The following CAMSAP2 variants were observed in gnomAD, a reference collection of about 807,000 sequenced individuals.
CAMSAP2 encodes calmodulin-regulated spectrin-associated protein 2.
Under a neutral mutation model 146.1 loss-of-function variants are expected in CAMSAP2, and 26 were observed. That is an observed-to-expected ratio of 0.18 (90% CI 0.13 to 0.25). The LOEUF (loss-of-function observed/expected upper bound fraction) is 0.25, where lower values mean the gene tolerates loss of function less well. CAMSAP2 is among the 10% of genes least tolerant of loss of function. The pLI is 1.00. For missense variants in CAMSAP2, 1,381 were observed against 1,759.3 expected (o/e 0.78, Z 3.85); for synonymous variants, 499 against 596.6 (o/e 0.84, Z 2.38).
intron 2 of CAMSAP2, among the ~76,000 whole-genome samples, chr1:200,801,082 T>G (rs1238244427): frequency 6.6e-6 from 1 of 152,008 alleles, no homozygotes; most frequent in Non-Finnish European, 1.5e-5. Context: ...TGGCCAACAT[T>G]GTGAAACCCC....
At chr1:200,824,057 T>G (rs932628358) in intron 4 of CAMSAP2, among the ~76,000 whole-genome samples, 7 of 152,164 alleles carry the variant, frequency 4.6e-5, no homozygotes, top group African/African-American at 1.7e-4. Context: ...AATCCTTTTG[T>G]TTTTTGAGCA....
chr1:200,747,986 C>CA (rs901478330), intron 1 of CAMSAP2, among the ~76,000 whole-genome samples: 19,078 of 68,062 alleles, frequency 0.28, 2,310 homozygotes, highest in East Asian at 0.46. Context: ...GACTCCGTCT[C>CA]AAAAAAAAAA....
chr1:200,746,916 G>A (rs1664348683), intron 1 of CAMSAP2, among the ~76,000 whole-genome samples: 1 of 151,712 alleles, frequency 6.6e-6, no homozygotes, highest in East Asian at 2.0e-4. Flanking sequence ...ACTGCGCCCG[G>A]CCTAGTCACA....
At chr1:200,807,561 A>T (rs759584107) in intron 3 of CAMSAP2, 24 bp downstream of exon 3, 22 of 1,475,988 alleles carry the variant, frequency 1.5e-5, no homozygotes, top group Non-Finnish European at 1.9e-5. Context: ...CACTTGAGTA[A>T]ATCGCATCTC....
intron 1 of CAMSAP2, among the ~76,000 whole-genome samples, chr1:200,742,745 T>A (rs543184617): frequency 1.1e-4 from 16 of 152,282 alleles, no homozygotes; most frequent in African/African-American, 3.6e-4. Context: ...CTTTCTAACT[T>A]TTGATGTACT....
chr1:200,806,736 C>G (rs1356086646), intron 2 of CAMSAP2, among the ~76,000 whole-genome samples: 1 of 144,458 alleles, frequency 6.9e-6, no homozygotes, highest in East Asian at 2.1e-4. Flanking sequence ...TTAGAACTTC[C>G]ATATAATTGT....
At chr1:200,801,124 C>T (rs1366481151) in intron 2 of CAMSAP2, among the ~76,000 whole-genome samples, 3 of 151,960 alleles carry the variant, frequency 2.0e-5, no homozygotes, top group Admixed American at 2.0e-4. Flanking sequence ...ATTAGCTGGG[C>T]ATGGTGGTGT....
At chr1:200,755,242 A>G (rs1384049977) in intron 1 of CAMSAP2, among the ~76,000 whole-genome samples, 1 of 152,252 alleles carries the variant, frequency 6.6e-6, no homozygotes, top group South Asian at 2.1e-4. Context: ...TAGCAGACAG[A>G]TAGTAAACAC....
chr1:200,788,545 G>T (rs541469485), intron 2 of CAMSAP2, among the ~76,000 whole-genome samples: 1 of 152,220 alleles, frequency 6.6e-6, no homozygotes, highest in African/African-American at 2.4e-5. Flanking sequence ...TTCCAGTCCA[G>T]TATTTGGTGT....
chr1:200,832,458 A>G lies in CAMSAP2; in HGVS notation c.787+117A>G, dbSNP rs1667068521. 7 of 1,001,620 alleles carry G rather than the reference A, an allele frequency of 7.0e-6. 1 individual carries two copies. Among genetic ancestry groups the G allele is most frequent in the South Asian group, 4.7e-5 (2 of 42,652 alleles). 62.0% of individuals were successfully genotyped at this position (1,001,620 alleles called of 1,614,324 possible). ...AGTGGGACCCTGTCTCAAAAAAAAG[A>G]CAATATTATTTAATAAGTACTGAAG... On this transcript the variant is annotated intron_variant, in intron 5 of 16. Transcript: ENST00000358823. This position sits in a 1 kb window ranked among gnomAD's most constrained non-coding sequence, Gnocchi z 4.2.
chr1:200,803,948 A>G (rs1666103292), intron 2 of CAMSAP2, among the ~76,000 whole-genome samples: 1 of 149,912 alleles, frequency 6.7e-6, no homozygotes, highest in Non-Finnish European at 1.5e-5. Context: ...TTTCTTTGAG[A>G]CAGAGTCTTG....
intron 2 of CAMSAP2, among the ~76,000 whole-genome samples, chr1:200,800,409 C>G (rs1015795825): frequency 2.0e-5 from 3 of 152,064 alleles, no homozygotes; most frequent in African/African-American, 7.2e-5. Context: ...ATCCCTTTAC[C>G]ATTATGGAAT....
At chr1:200,817,248 A>ACACACACACGTGTGTGTG (rs1666620439) in intron 4 of CAMSAP2, among the ~76,000 whole-genome samples, 2 of 10,016 alleles carry the variant, frequency 2.0e-4, no homozygotes, top group African/African-American at 1.0e-3. Flanking sequence ...ACATACACAC[A>ACACACACACGTGTGTGTG]TATGTGTGTG....
intron 2 of CAMSAP2, among the ~76,000 whole-genome samples, chr1:200,782,183 T>C (rs977388142): frequency 2.0e-5 from 3 of 152,212 alleles, no homozygotes; most frequent in Non-Finnish European, 4.4e-5. Context: ...CAGTTTGATA[T>C]ACATCTCATT....
chr1:200,754,692 C>T (rs1251316908), intron 1 of CAMSAP2, among the ~76,000 whole-genome samples: 1 of 148,502 alleles, frequency 6.7e-6, no homozygotes, highest in Non-Finnish European at 1.5e-5. Flanking sequence ...ATGCCATTCT[C>T]CTGCCTCAGC....
intron 6 of CAMSAP2, among the ~76,000 whole-genome samples, chr1:200,836,427 CT>C (rs1044372478): frequency 2.4e-4 from 36 of 152,246 alleles, no homozygotes; most frequent in African/African-American, 8.2e-4. Context: ...TGATCTTGTT[CT>C]TTTTTATGGC....
intron 2 of CAMSAP2, among the ~76,000 whole-genome samples, chr1:200,801,849 T>C (rs1043913061): frequency 6.6e-6 from 1 of 152,160 alleles, no homozygotes; most frequent in Non-Finnish European, 1.5e-5. Context: ...TTTTTCATAA[T>C]CTCTTTAACT....
At chr1:200,814,134 G>A (rs1391923765) in intron 3 of CAMSAP2, among the ~76,000 whole-genome samples, 2 of 140,688 alleles carry the variant, frequency 1.4e-5, no homozygotes, top group East Asian at 2.1e-4. Flanking sequence ...AAGGTGGCGG[G>A]GGGAGGGGTG....
intron 6 of CAMSAP2, among the ~76,000 whole-genome samples, chr1:200,834,219 C>T (rs566424514): frequency 6.6e-6 from 1 of 152,038 alleles, no homozygotes; most frequent in Admixed American, 6.6e-5. Context: ...AAACACTAGC[C>T]AGGCGTAGTG....
Sources: gnomAD v4.1 joint callset for allele counts (sites outside exome capture counted in the v4.1 genomes callset) on GRCh38, gnomAD v4.1.1 for gene constraint, Gnocchi (gnomAD v3.1) non-coding constraint, MANE v1.5 for transcripts, NCBI Gene and HGNC (gene_info 2026-07-23, HGNC 2026-07-21) for gene names.